Variants in UTRN observed in about 807,000 individuals in gnomAD.
UTRN encodes utrophin.
Under a neutral mutation model 463.9 loss-of-function variants are expected in UTRN, and 283 were observed. That is an observed-to-expected ratio of 0.61 (90% CI 0.55 to 0.67). UTRN has a LOEUF of 0.67. Among genes scored for constraint, UTRN ranks in the 30% least tolerant of loss-of-function variants. The pLI is 0.00. For missense variants in UTRN, 3,922 were observed against 4,084.3 expected, an observed-to-expected ratio of 0.96 and a Z score of 1.08; for synonymous variants, 1,442 against 1,431.5, an observed-to-expected ratio of 1.01 and a Z score of -0.17.
At chr6:144,422,043 C>T in intron 4 of UTRN, 73 bp downstream of exon 4, 2 of 1,260,468 alleles carry the variant, frequency 1.6e-6, no homozygotes, top group Non-Finnish European at 2.2e-6. Flanking sequence ...TGTGGGTACC[C>T]ATTAAAGTGA....
chr6:144,688,131 G>C (rs1329495946), intron 52 of UTRN, among the ~76,000 whole-genome samples: 4 of 152,038 alleles, frequency 2.6e-5, no homozygotes, highest in Non-Finnish European at 5.9e-5. Context: ...TTTTGACAAG[G>C]CTCTGAAATT....
At chr6:144,783,204 AAAAAG>A (rs1474759219) in intron 61 of UTRN, among the ~76,000 whole-genome samples, 3 of 152,106 alleles carry the variant, frequency 2.0e-5, no homozygotes, top group African/African-American at 4.8e-5. Context: ...TCAAAAAAAA[AAAAAG>A]AAAAGAAAAC....
intron 53 of UTRN, among the ~76,000 whole-genome samples, chr6:144,715,918 T>C (rs971539363): frequency 2.6e-5 from 4 of 152,118 alleles, no homozygotes; most frequent in African/African-American, 9.7e-5. Context: ...TCATTTGCGT[T>C]CTAAAGAATA....
At position 144,494,610 on chromosome 6, in the gene UTRN, C is replaced by T. The variant is rs146235133; in HGVS notation, c.4593+1154C>T. Among the ~76,000 whole-genome samples the T allele has an allele frequency of 3.9e-3, 597 of 152,258 alleles. 3 individuals are homozygous for T. Among genetic ancestry groups the T allele is most frequent in the African/African-American group, 0.014 (572 of 41,550 alleles). ...CCCACATCCTGCTGATTGGTAGAGACGAGTGGTCTGTTTTGACAGGGCGCT... is the reference window on the plus strand; with the variant it reads ...CCCACATCCTGCTGATTGGTAGAGATGAGTGGTCTGTTTTGACAGGGCGCT... On this transcript the variant is annotated intron_variant, in intron 33 of 74. Transcript: ENST00000367545.
chr6:144,291,945 T>C, intron 2 of UTRN, 38 bp downstream of exon 2: 2 of 1,583,590 alleles, frequency 1.3e-6, no homozygotes, highest in Non-Finnish European at 8.6e-7. Flanking sequence ...TGGATTTTTA[T>C]GTATTTAGAA....
At chr6:144,732,655 C>T (rs62427224) in intron 54 of UTRN, among the ~76,000 whole-genome samples, 13 of 126,222 alleles carry the variant, frequency 1.0e-4, no homozygotes, top group Admixed American at 4.2e-4. Flanking sequence ...CATTTTATGT[C>T]ATGTTATGTT....
chr6:144,685,411 G>C lies in UTRN; in HGVS notation c.7652+6833G>C, dbSNP rs9497044. Among the ~76,000 whole-genome samples the C allele has an allele frequency of 9.2e-3, 1,404 of 152,268 alleles. 18 individuals carry two copies. The highest frequency in any genetic ancestry group is 0.032 in the African/African-American group (1,344 of 41,554). ...TAGATACCTAGCAGTGGTATTGCTA[G>C]ATCACATAGTGGATGTACTTTTAGT... On this transcript the variant is annotated intron_variant, in intron 52 of 74. Coordinates refer to ENST00000367545, the MANE Select transcript of UTRN (RefSeq NM_007124.3).
At chr6:144,419,604 G>A (rs994878747) in intron 3 of UTRN, among the ~76,000 whole-genome samples, 5 of 152,202 alleles carry the variant, frequency 3.3e-5, no homozygotes, top group African/African-American at 1.2e-4. Context: ...AAACCTCAGT[G>A]TCACACAACA....
At position 144,551,127 on chromosome 6, in the gene UTRN, G is replaced by A. The variant is rs1798870122; in HGVS notation, c.6928+45G>A. Reference sequence around the variant, plus strand: ...TTATGTATTATCATCCACTTTCCCTGCAAATGGTGACACACACACACACAC... The same window carrying A: ...TTATGTATTATCATCCACTTTCCCTACAAATGGTGACACACACACACACAC... On this transcript the variant is annotated intron_variant, in intron 48 of 74. Transcript: ENST00000367545. The A allele has an allele frequency of 3.3e-6, 4 of 1,204,514 alleles. No homozygotes were observed. In the African/African-American group the frequency reaches 5.3e-5, roughly 16 times the overall value. 74.6% of individuals were successfully genotyped at this position (1,204,514 alleles called of 1,614,324 possible).
intron 2 of UTRN, among the ~76,000 whole-genome samples, chr6:144,395,385 A>G (rs944789956): frequency 6.6e-6 from 1 of 151,386 alleles, no homozygotes; most frequent in Non-Finnish European, 1.5e-5. Context: ...AATATGGTTG[A>G]TAGAAAAGAT....
Position 144,846,801 on chromosome 6 carries a change from T to C in UTRN, c.10271-4T>C. 6.2e-7 allele frequency: 1 copy of C among 1,614,078 alleles called. No homozygotes were observed. The highest frequency in any genetic ancestry group is 8.5e-7 in the Non-Finnish European group (1 of 1,179,952). ...TAAGTGATTTCTTTTGTTTTCTCTT[T>C]CAGCAAATGTTCCCAGCAGGCCACA... On this transcript the variant is annotated splice_region_variant and splice_polypyrimidine_tract_variant and intron_variant, in intron 73 of 74. Coordinates refer to ENST00000367545, the MANE Select transcript of UTRN (RefSeq NM_007124.3).
intron 51 of UTRN, among the ~76,000 whole-genome samples, chr6:144,677,946 T>C (rs1781812523): frequency 6.6e-6 from 1 of 152,182 alleles, no homozygotes; most frequent in African/African-American, 2.4e-5. Context: ...TTTGATGGGG[T>C]TGTTTGCTTT....
chr6:144,602,977 G>A (rs903516966), intron 51 of UTRN, among the ~76,000 whole-genome samples: 1 of 152,090 alleles, frequency 6.6e-6, no homozygotes, highest in Non-Finnish European at 1.5e-5. Context: ...GCTTTGTTGT[G>A]GTGATGTGGA....
rs774573367 is a variant in UTRN at position 144,537,550 on chromosome 6, C to T, written c.6234-32C>T. ...GGTTCTGCTTAATTGGACAGTTTTTCCTCAATATTTTTAAATAATATATTC... is the reference window on the plus strand; with the variant it reads ...GGTTCTGCTTAATTGGACAGTTTTTTCTCAATATTTTTAAATAATATATTC... On this transcript the variant is annotated intron_variant, in intron 43 of 74. Coordinates refer to ENST00000367545, the MANE Select transcript of UTRN (RefSeq NM_007124.3). 12 of 1,458,564 alleles carry T rather than the reference C, an allele frequency of 8.2e-6. No homozygotes were observed. The African/African-American group carries it at 1.8e-4, about 21-fold the overall frequency. The allele number at this position is 1,458,564 out of a possible 1,614,324, so 90.4% of individuals were successfully genotyped here.
chr6:144,717,632 TTC>T (rs1554351560), intron 53 of UTRN, among the ~76,000 whole-genome samples: 13,529 of 96,616 alleles, frequency 0.14, 1,415 homozygotes, highest in East Asian at 0.43. Flanking sequence ...CTTTTCTTTT[TTC>T]TTTTTTTTTT....
At chr6:144,308,261 G>C (rs1447793852) in intron 2 of UTRN, among the ~76,000 whole-genome samples, 1 of 152,102 alleles carries the variant, frequency 6.6e-6, no homozygotes, top group African/African-American at 2.4e-5. Flanking sequence ...TAGTGATCTT[G>C]TCTCCCAGTG....
At chr6:144,493,489 GTC>G (rs57311494) in intron 33 of UTRN, 33 bp downstream of exon 33, 57,908 of 1,313,072 alleles carry the variant, frequency 0.044, no homozygotes, top group South Asian at 0.072. Flanking sequence ...TCATCTCTCT[GTC>G]TCTCTCTCTC....
In UTRN at chr6:144,286,164, G is replaced by T. The variant is rs1341137778; in HGVS notation, c.-93+343G>T. Among the ~76,000 whole-genome samples the T allele has an allele frequency of 6.6e-6, 1 of 152,214 alleles. No homozygotes were observed. The highest frequency in any genetic ancestry group is 2.4e-5 in the African/African-American group (1 of 41,452). On this transcript the variant is annotated intron_variant, in intron 1 of 74. Coordinates refer to ENST00000367545, the MANE Select transcript of UTRN (RefSeq NM_007124.3). The surrounding 1 kb of genome is among the most constrained non-coding windows in gnomAD (Gnocchi z 4.4). Reference sequence around the variant, plus strand: ...TCCCCTAATCTTCCTCCCCGCCGGGGTGACAGAGTCGCCCTCCGTGCATCG... The same window carrying T: ...TCCCCTAATCTTCCTCCCCGCCGGGTTGACAGAGTCGCCCTCCGTGCATCG...
chr6:144,444,251 T>C (rs1300988140), intron 13 of UTRN, 30 bp from the exon 14 acceptor site: 1 of 1,578,312 alleles, frequency 6.3e-7, no homozygotes, highest in Non-Finnish European at 8.7e-7. Context: ...TAAGGCTGTG[T>C]TGACAAAGGA....
Sources: allele counts gnomAD v4.1 joint callset (sites outside exome capture counted in the v4.1 genomes callset), GRCh38; gene constraint gnomAD v4.1.1; non-coding constraint Gnocchi (gnomAD v3.1); transcripts MANE v1.5; gene names NCBI Gene and HGNC (gene_info 2026-07-23, HGNC 2026-07-21).